TENM2: variants seen among roughly 807,000 people sequenced by gnomAD.
The protein encoded by TENM2 is teneurin transmembrane protein 2.
In TENM2, 52 loss-of-function variants were observed where a neutral mutation model predicts 245.2. That is an observed-to-expected ratio of 0.21 (90% CI 0.17 to 0.27). The LOEUF (loss-of-function observed/expected upper bound fraction) is 0.27. Among genes scored for constraint, TENM2 ranks in the 10% least tolerant of loss-of-function variants. The pLI is 1.00. For synonymous variants in TENM2, 1,363 were observed against 1,438.9 expected, an observed-to-expected ratio of 0.95 and a Z score of 1.19; for missense variants, 3,046 against 3,666.8, an observed-to-expected ratio of 0.83 and a Z score of 4.37.
the TENM2 span, among the ~76,000 whole-genome samples, chr5:167,043,851 C>T: frequency 6.6e-6 from 1 of 152,052 alleles, no homozygotes; most frequent in Non-Finnish European, 1.5e-5. Context: ...GTGAAACCGT[C>T]TCTACTAAAA....
the TENM2 span, among the ~76,000 whole-genome samples, chr5:167,094,198 G>A: frequency 1.1e-4 from 16 of 152,050 alleles, no homozygotes; most frequent in Non-Finnish European, 2.1e-4. Flanking sequence ...AGCTATAATT[G>A]ACATATAATA....
chr5:168,175,979 T>TA (rs1759323230), intron 13 of TENM2, among the ~76,000 whole-genome samples: 1 of 152,254 alleles, frequency 6.6e-6, no homozygotes, highest in Non-Finnish European at 1.5e-5. Context: ...GGCCATTGCA[T>TA]AGGCCTTTGA....
chr5:167,381,278 G>A (rs1761083554), intron 2 of TENM2, among the ~76,000 whole-genome samples: 1 of 152,132 alleles, frequency 6.6e-6, no homozygotes. Context: ...TTAATTTTGA[G>A]TATTATTTAA....
the TENM2 span, among the ~76,000 whole-genome samples, chr5:167,108,767 A>G: frequency 8.5e-5 from 13 of 152,306 alleles, no homozygotes; most frequent in Middle Eastern, 3.4e-3. Context: ...GCTCTACAAT[A>G]CTGTAGCCAT....
intron 2 of TENM2, among the ~76,000 whole-genome samples, chr5:167,869,004 T>C (rs1157678300): frequency 6.6e-6 from 1 of 152,144 alleles, no homozygotes; most frequent in Non-Finnish European, 1.5e-5. Flanking sequence ...GCTGTTAATA[T>C]CATCAGAGAG....
the TENM2 span, among the ~76,000 whole-genome samples, chr5:167,173,948 G>C: frequency 6.6e-6 from 1 of 151,996 alleles, no homozygotes; most frequent in Non-Finnish European, 1.5e-5. Flanking sequence ...CTTTTAAAAT[G>C]ATCCTTATGT....
At chr5:167,597,849 G>A (rs1247921284) in intron 2 of TENM2, among the ~76,000 whole-genome samples, 3 of 152,068 alleles carry the variant, frequency 2.0e-5, no homozygotes, top group Non-Finnish European at 4.4e-5. Context: ...ATACACACAT[G>A]TGCATGCATG....
intron 2 of TENM2, among the ~76,000 whole-genome samples, chr5:167,551,084 C>A (rs186314201): frequency 2.0e-5 from 3 of 152,084 alleles, no homozygotes; most frequent in Non-Finnish European, 4.4e-5. Context: ...ATTCTAAAGT[C>A]CCTGTCATTA....
chr5:167,399,728 A>G (rs1201000519), intron 2 of TENM2, among the ~76,000 whole-genome samples: 2 of 152,186 alleles, frequency 1.3e-5, no homozygotes, highest in Non-Finnish European at 2.9e-5. Flanking sequence ...TTTATTGTGA[A>G]GAGTAAATTA....
chr5:167,247,136 T>G, the TENM2 span, among the ~76,000 whole-genome samples: 1 of 152,112 alleles, frequency 6.6e-6, no homozygotes, highest in African/African-American at 2.4e-5. Flanking sequence ...CCTTATTTGA[T>G]CCTCCCAAAC....
chr5:168,171,933 C>A (rs1341577507), intron 13 of TENM2, among the ~76,000 whole-genome samples: 1 of 152,204 alleles, frequency 6.6e-6, no homozygotes, highest in Non-Finnish European at 1.5e-5. Flanking sequence ...CACACCCTTG[C>A]CATCCCCCGG....
chr5:167,742,059 G>A (rs774366918), intron 2 of TENM2, among the ~76,000 whole-genome samples: 20 of 152,104 alleles, frequency 1.3e-4, no homozygotes, highest in Non-Finnish European at 2.8e-4. Flanking sequence ...ATTGCCAAAA[G>A]AAATATCCTA....
intron 2 of TENM2, among the ~76,000 whole-genome samples, chr5:167,674,173 A>G (rs1306799695): frequency 1.3e-5 from 2 of 152,130 alleles, no homozygotes; most frequent in African/African-American, 2.4e-5. Flanking sequence ...AGCTGCCTCC[A>G]GTCACTCTGC....
At chr5:167,816,024 G>A (rs995570760) in intron 2 of TENM2, among the ~76,000 whole-genome samples, 2 of 150,604 alleles carry the variant, frequency 1.3e-5, no homozygotes, top group African/African-American at 2.4e-5. Context: ...CTCCTCTGAT[G>A]TAGAATAACT....
At chr5:168,038,217 T>C (rs1017138981) in intron 5 of TENM2, among the ~76,000 whole-genome samples, 1 of 152,180 alleles carries the variant, frequency 6.6e-6, no homozygotes, top group African/African-American at 2.4e-5. Flanking sequence ...CAATTGCTTA[T>C]CACAGAGCCT....
the TENM2 span, among the ~76,000 whole-genome samples, chr5:167,276,105 G>C: frequency 6.6e-6 from 1 of 151,858 alleles, no homozygotes; most frequent in Non-Finnish European, 1.5e-5. Context: ...ATTTGCTATC[G>C]TAAGGATTTT....
intron 2 of TENM2, among the ~76,000 whole-genome samples, chr5:167,577,304 T>C (rs1455323757): frequency 6.6e-6 from 1 of 152,238 alleles, no homozygotes; most frequent in African/African-American, 2.4e-5. Flanking sequence ...GACAAGGGTG[T>C]AACCTATGTT....
At chr5:167,774,213 G>GAA (rs1224035908) in intron 2 of TENM2, among the ~76,000 whole-genome samples, 51 of 139,684 alleles carry the variant, frequency 3.7e-4, no homozygotes, top group East Asian at 6.4e-4. Flanking sequence ...AGGGAGGGAG[G>GAA]GAGGAAGGAA....
chr5:168,088,074 G>A (rs768239210), intron 7 of TENM2: 2 of 152,206 alleles, frequency 1.3e-5, no homozygotes, highest in Non-Finnish European at 2.9e-5. Flanking sequence ...AGCCATTTCT[G>A]TTTCCCTTGG....
Sources: gnomAD v4.1 joint callset for allele counts (sites outside exome capture counted in the v4.1 genomes callset) on GRCh38, gnomAD v4.1.1 for gene constraint, MANE v1.5 for transcripts, NCBI Gene and HGNC (gene_info 2026-07-23, HGNC 2026-07-21) for gene names.